Variants in ARHGAP24 observed in about 807,000 individuals in gnomAD.
ARHGAP24 encodes Rho GTPase activating protein 24, also known as rho GTPase-activating protein 24.
In ARHGAP24, 50 loss-of-function variants were observed where a neutral mutation model predicts 76.4. The ratio of observed to expected loss-of-function variants is 0.65; its 90% confidence interval spans 0.52 to 0.83. The LOEUF (loss-of-function observed/expected upper bound fraction) is 0.83, where lower values mean the gene tolerates loss of function less well. Ranked by LOEUF, ARHGAP24 falls within the 40% of genes least tolerant of loss-of-function variation. The pLI is 0.00. For missense variants in ARHGAP24, 930 were observed against 914.2 expected (o/e 1.02, Z -0.22); for synonymous variants, 345 against 323.3 (o/e 1.07, Z -0.72).
At chr4:85,629,055 CCTTTGTG>C (rs1560560516) in intron 2 of ARHGAP24, among the ~76,000 whole-genome samples, 4 of 152,054 alleles carry the variant, frequency 2.6e-5, no homozygotes, top group Admixed American at 6.6e-5. Flanking sequence ...TTGCTGACTT[CCTTTGTG>C]ATGTGATGAT....
intron 3 of ARHGAP24, among the ~76,000 whole-genome samples, chr4:85,894,091 G>C (rs1446769419): frequency 2.0e-5 from 1 of 49,816 alleles, no homozygotes; most frequent in Non-Finnish European, 3.9e-5. Context: ...CTAAAACTTA[G>C]AGTATAATAA....
At chr4:85,726,945 T>A (rs13102580) in intron 3 of ARHGAP24, among the ~76,000 whole-genome samples, 1 of 151,856 alleles carries the variant, frequency 6.6e-6, no homozygotes, top group Non-Finnish European at 1.5e-5. Flanking sequence ...GAGGTAGGGG[T>A]ATCACCTGAG....
intron 4 of ARHGAP24, among the ~76,000 whole-genome samples, chr4:85,939,399 TC>T (rs763936309): frequency 2.7e-4 from 41 of 152,214 alleles, no homozygotes; most frequent in Non-Finnish European, 4.7e-4. Flanking sequence ...GATGTGGACT[TC>T]CATTCTGCCA....
intron 1 of ARHGAP24, among the ~76,000 whole-genome samples, chr4:85,485,573 A>G (rs529775244): frequency 6.6e-6 from 1 of 151,016 alleles, no homozygotes; most frequent in African/African-American, 2.4e-5. Flanking sequence ...CTCTAATCCT[A>G]CCTCTGGTAT....
At chr4:85,493,923 A>G (rs762626510) in intron 1 of ARHGAP24, among the ~76,000 whole-genome samples, 3 of 152,230 alleles carry the variant, frequency 2.0e-5, no homozygotes, top group Non-Finnish European at 4.4e-5. Context: ...CTTAGAATAT[A>G]GGGTCAAAAC....
At chr4:85,535,340 A>G (rs1725427495) in intron 1 of ARHGAP24, among the ~76,000 whole-genome samples, 1 of 152,228 alleles carries the variant, frequency 6.6e-6, no homozygotes, top group African/African-American at 2.4e-5. Flanking sequence ...ATTCAACTGG[A>G]TAACATACAA....
In ARHGAP24 at chr4:85,836,312, G is replaced by A. The variant is rs373607744; in HGVS notation, c.269-87336G>A. Among the ~76,000 whole-genome samples, 48 of 152,230 alleles carry A rather than the reference G, an allele frequency of 3.2e-4. 2 individuals are homozygous for A. In the South Asian group the frequency reaches 1.0e-2, roughly 32 times the overall value. Reference sequence around the variant, plus strand: ...CTGTAACAAAGTTTCACAAATGGGTGGTTTAAACAACAAAAATTTCCTGCC... The same window carrying A: ...CTGTAACAAAGTTTCACAAATGGGTAGTTTAAACAACAAAAATTTCCTGCC... On this transcript the variant is annotated intron_variant, in intron 3 of 9. Coordinates refer to ENST00000395184, the MANE Select transcript of ARHGAP24 (RefSeq NM_001025616.3).
At chr4:85,666,926 A>G (rs1430178057) in intron 2 of ARHGAP24, among the ~76,000 whole-genome samples, 4 of 152,184 alleles carry the variant, frequency 2.6e-5, no homozygotes, top group Non-Finnish European at 4.4e-5. Context: ...CCTCCCAGTT[A>G]GGCTCCTCAG....
intron 2 of ARHGAP24, among the ~76,000 whole-genome samples, chr4:85,631,774 T>A (rs1466049181): frequency 6.6e-6 from 1 of 152,012 alleles, no homozygotes; most frequent in African/African-American, 2.4e-5. Context: ...TGAAAAAAAA[T>A]TGTGTCATAT....
At chr4:85,561,602 CAT>C (rs1434092984) in intron 1 of ARHGAP24, among the ~76,000 whole-genome samples, 1 of 152,178 alleles carries the variant, frequency 6.6e-6, no homozygotes, top group Non-Finnish European at 1.5e-5. Flanking sequence ...GGTAAATGCA[CAT>C]GTTTGCAAAA....
At chr4:85,636,784 C>A (rs567191798) in intron 2 of ARHGAP24, among the ~76,000 whole-genome samples, 1 of 152,004 alleles carries the variant, frequency 6.6e-6, no homozygotes, top group South Asian at 2.1e-4. Context: ...CAATTAATTT[C>A]TCTTTTTTAA....
chr4:85,654,259 T>A (rs974332569), intron 2 of ARHGAP24, among the ~76,000 whole-genome samples: 1 of 152,176 alleles, frequency 6.6e-6, no homozygotes, highest in African/African-American at 2.4e-5. Flanking sequence ...GCCTTTCCTC[T>A]GTGTGTACAG....
intron 2 of ARHGAP24, among the ~76,000 whole-genome samples, chr4:85,610,313 G>A (rs983082469): frequency 3.0e-4 from 46 of 151,542 alleles, no homozygotes; most frequent in African/African-American, 9.9e-4. Flanking sequence ...GTGTGGTGGC[G>A]GACACCTGTA....
At chr4:85,732,161 GT>G (rs1300653227) in intron 3 of ARHGAP24, among the ~76,000 whole-genome samples, 1 of 152,206 alleles carries the variant, frequency 6.6e-6, no homozygotes, top group African/African-American at 2.4e-5. Flanking sequence ...GTCAGCTGCT[GT>G]TATTACAAAT....
chr4:85,904,265 G>A (rs948026780), intron 3 of ARHGAP24, among the ~76,000 whole-genome samples: 9 of 152,200 alleles, frequency 5.9e-5, no homozygotes, highest in African/African-American at 1.9e-4. Flanking sequence ...TGAACCAGGA[G>A]CAGGCAGTTC....
At chr4:85,992,589 A>G (rs1740400834) in intron 8 of ARHGAP24, among the ~76,000 whole-genome samples, 4 of 152,182 alleles carry the variant, frequency 2.6e-5, no homozygotes, top group Admixed American at 2.6e-4. Context: ...ATATAATGGA[A>G]ACTGCAAACC....
At chr4:85,785,439 T>C (rs1047110704) in intron 3 of ARHGAP24, among the ~76,000 whole-genome samples, 1 of 152,218 alleles carries the variant, frequency 6.6e-6, no homozygotes, top group Non-Finnish European at 1.5e-5. Context: ...TTATATTTTA[T>C]TTTGAGATAA....
chr4:85,690,452 T>C (rs573108329), intron 2 of ARHGAP24, among the ~76,000 whole-genome samples: 16 of 152,226 alleles, frequency 1.1e-4, no homozygotes, highest in Admixed American at 6.5e-4. Flanking sequence ...TTTTTGTGTA[T>C]GTGTTGGTAT....
chr4:85,610,957 A>G (rs1720361188), intron 2 of ARHGAP24, among the ~76,000 whole-genome samples: 1 of 152,166 alleles, frequency 6.6e-6, no homozygotes, highest in Non-Finnish European at 1.5e-5. Context: ...CAATTTATTC[A>G]TCTAAAAATC....
Sources: gnomAD v4.1 joint callset for allele counts (sites outside exome capture counted in the v4.1 genomes callset) on GRCh38, gnomAD v4.1.1 for gene constraint, MANE v1.5 for transcripts, NCBI Gene and HGNC (gene_info 2026-07-23, HGNC 2026-07-21) for gene names.